SPTLC1: variants seen among roughly 807,000 people sequenced by gnomAD.
SPTLC1 encodes the protein serine palmitoyltransferase 1.
In SPTLC1, 55 loss-of-function variants were observed where a neutral mutation model predicts 68.9. That is an observed-to-expected ratio of 0.80 (90% CI 0.64 to 1.00). SPTLC1 has a LOEUF of 1.00. Among genes scored for constraint, SPTLC1 ranks in the 50% least tolerant of loss-of-function variants. The pLI is 0.00. For missense variants in SPTLC1, 449 were observed against 573.1 expected (o/e 0.78, Z 2.21); for synonymous variants, 197 against 201.6 (o/e 0.98, Z 0.19).
At chr9:92,055,705 T>C (rs1833864726) in intron 7 of SPTLC1, among the ~76,000 whole-genome samples, 1 of 152,212 alleles carries the variant, frequency 6.6e-6, no homozygotes, top group South Asian at 2.1e-4. Flanking sequence ...ATTAGCTAGG[T>C]GACCCGCCAC....
At chr9:92,057,415 T>C (rs1367305152) in intron 7 of SPTLC1, among the ~76,000 whole-genome samples, 1 of 152,222 alleles carries the variant, frequency 6.6e-6, no homozygotes, top group Non-Finnish European at 1.5e-5. Context: ...CCCATTTGCC[T>C]TCCAGAAAGG....
intron 8 of SPTLC1, among the ~76,000 whole-genome samples, chr9:92,051,608 C>T (rs1372383573): frequency 6.6e-6 from 1 of 152,144 alleles, no homozygotes; most frequent in African/African-American, 2.4e-5. Flanking sequence ...ACACTGTAGT[C>T]GAGGTCCTAG....
chr9:92,044,037 C>T (rs141318916), intron 12 of SPTLC1, among the ~76,000 whole-genome samples: 349 of 152,256 alleles, frequency 2.3e-3, no homozygotes, highest in African/African-American at 8.1e-3. Flanking sequence ...GCCCCTGCGA[C>T]CCTTATGAAT....
chr9:92,084,175 T>C (rs1275503377), intron 3 of SPTLC1, among the ~76,000 whole-genome samples: 1 of 151,442 alleles, frequency 6.6e-6, no homozygotes, highest in Non-Finnish European at 1.5e-5. Flanking sequence ...TATACAATCA[T>C]GTCATCTGCA....
intron 3 of SPTLC1, among the ~76,000 whole-genome samples, chr9:92,082,367 T>A (rs1292475639): frequency 6.7e-6 from 1 of 150,258 alleles, no homozygotes; most frequent in African/African-American, 2.4e-5. Flanking sequence ...ATTAGGTATA[T>A]CTCCTAATGC....
At chr9:92,065,549 TC>T (rs768812459) in intron 6 of SPTLC1, among the ~76,000 whole-genome samples, 9 of 152,134 alleles carry the variant, frequency 5.9e-5, no homozygotes, top group Non-Finnish European at 1.2e-4. Flanking sequence ...GTAGTATTTA[TC>T]AAAGGAAGCA....
chr9:92,085,317 C>A (rs1405326781), intron 3 of SPTLC1, among the ~76,000 whole-genome samples: 1 of 146,492 alleles, frequency 6.8e-6, no homozygotes, highest in African/African-American at 2.5e-5. Context: ...TTTTCTAGTT[C>A]TTTTAATTGT....
At chr9:92,103,527 C>T (rs987063087) in intron 3 of SPTLC1, among the ~76,000 whole-genome samples, 19 of 152,216 alleles carry the variant, frequency 1.2e-4, no homozygotes, top group Admixed American at 1.2e-3. Context: ...GGGCCATGAC[C>T]ACCTGAATGA....
At chr9:92,069,402 C>T (rs896846308) in intron 5 of SPTLC1, among the ~76,000 whole-genome samples, 18 of 152,152 alleles carry the variant, frequency 1.2e-4, no homozygotes, top group Admixed American at 5.2e-4. Context: ...ATAAAAAGGA[C>T]ACTTTTCATT....
chr9:92,105,098 C>A (rs1835907078), intron 3 of SPTLC1: 1 of 1,532,770 alleles, frequency 6.5e-7, no homozygotes, highest in South Asian at 1.2e-5. Context: ...GGAGGACATG[C>A]AGCCCAAGGA....
At chr9:92,051,568 A>G (rs1424746659) in intron 8 of SPTLC1, among the ~76,000 whole-genome samples, 1 of 152,242 alleles carries the variant, frequency 6.6e-6, no homozygotes, top group African/African-American at 2.4e-5. Context: ...GGAACAAGAC[A>G]AAGATGCTCA....
At chr9:92,038,212 G>T in intron 13 of SPTLC1, 36 bp downstream of exon 13, 2 of 1,370,166 alleles carry the variant, frequency 1.5e-6, no homozygotes, top group Non-Finnish European at 2.1e-6. Context: ...GGGCAGAAGT[G>T]GTGTGGGGGG....
intron 6 of SPTLC1, among the ~76,000 whole-genome samples, chr9:92,059,979 GA>G (rs1211853508): frequency 2.0e-5 from 3 of 152,168 alleles, no homozygotes; most frequent in African/African-American, 7.2e-5. Context: ...AGAACACATG[GA>G]GAGCCCTAAC....
intron 8 of SPTLC1, among the ~76,000 whole-genome samples, chr9:92,051,730 G>A (rs1277016875): frequency 1.3e-5 from 2 of 152,096 alleles, no homozygotes; most frequent in East Asian, 1.9e-4. Context: ...ATCCACAAAA[G>A]TATTATTTGA....
chr9:92,050,844 G>A (rs569885546), intron 8 of SPTLC1: 143 of 104,136 alleles, frequency 1.4e-3, no homozygotes, highest in Admixed American at 3.1e-3. Context: ...ACAGAGTCTT[G>A]CTCTGCCACC....
intron 1 of SPTLC1, 181 bp downstream of exon 1, chr9:92,115,133 G>A: frequency 5.6e-6 from 1 of 179,274 alleles, no homozygotes; most frequent in Non-Finnish European, 1.1e-5. Flanking sequence ...GCCCCCGCCC[G>A]TTCCTCCCTA....
chr9:92,073,940 C>A (rs936035236), intron 5 of SPTLC1, among the ~76,000 whole-genome samples: 13 of 152,218 alleles, frequency 8.5e-5, no homozygotes, highest in African/African-American at 3.1e-4. Flanking sequence ...TGCCCACGGC[C>A]CGGGATTCCT....
At chr9:92,081,120 G>C (rs764272858) in intron 3 of SPTLC1, among the ~76,000 whole-genome samples, 157 bp from the exon 4 acceptor site, 4 of 151,644 alleles carry the variant, frequency 2.6e-5, no homozygotes, top group African/African-American at 4.8e-5. Flanking sequence ...ATTAGAGCAT[G>C]GTACATTAAA....
In SPTLC1 at chr9:92,046,095, T is replaced by C. The variant is rs373985259; in HGVS notation, c.1082-42A>G. The C allele has an allele frequency of 1.2e-3, 1,860 of 1,504,926 alleles. 34 individuals carry two copies. The South Asian group carries it at 0.02, about 16-fold the overall frequency. 93.2% of individuals were successfully genotyped at this position (1,504,926 alleles called of 1,614,324 possible). A position where few individuals can be genotyped will look rare whatever the true frequency, so the allele number is the denominator to read the frequency against. ...CGTTTGAGAGTCTATTTGAAACTTA[T>C]GATAGTACTAACCTAAAAATATTTT... On this transcript the variant is annotated intron_variant, in intron 11 of 14. Transcript: ENST00000262554.
Sources: gnomAD v4.1 joint callset for allele counts (sites outside exome capture counted in the v4.1 genomes callset) on GRCh38, gnomAD v4.1.1 for gene constraint, MANE v1.5 for transcripts, NCBI Gene and HGNC (gene_info 2026-07-23, HGNC 2026-07-21) for gene names.